The following AP2A2 variants were observed in gnomAD, a reference collection of about 807,000 sequenced individuals.
The protein encoded by AP2A2 is adaptor related protein complex 2 subunit alpha 2.
Under a neutral mutation model 104.2 loss-of-function variants are expected in AP2A2, and 32 were observed. That is an observed-to-expected ratio of 0.31 (90% CI 0.23 to 0.41). The LOEUF (loss-of-function observed/expected upper bound fraction) is 0.41, where lower values mean the gene tolerates loss of function less well. AP2A2 is among the 10% of genes least tolerant of loss of function. The pLI is 1.00. For missense variants in AP2A2, 912 were observed against 1,261.0 expected (o/e 0.72, Z 4.19); for synonymous variants, 539 against 533.3 (o/e 1.01, Z -0.15).
At chr11:970,797 C>T (rs1362641921) in intron 3 of AP2A2, among the ~76,000 whole-genome samples, 2 of 152,226 alleles carry the variant, frequency 1.3e-5, no homozygotes, top group Admixed American at 1.3e-4. Context: ...GTCCCTTGGA[C>T]AGCTTTGTTT....
rs538401723 is a variant in AP2A2 at position 1,010,792 on chromosome 11, G to C, written c.*167G>C. On this transcript the variant is annotated 3_prime_UTR_variant, in exon 22 of 22. Coordinates refer to ENST00000448903, the MANE Select transcript of AP2A2 (RefSeq NM_012305.4). ...CCCTTTGGGCTGGACGGGAACACAC[G>C]TGTGTGGCTCAGGAGGAAAAGCTCA... The C allele has an allele frequency of 1.5e-6, 1 of 688,904 alleles. No homozygotes were observed. The highest frequency in any genetic ancestry group is 2.6e-6 in the Non-Finnish European group (1 of 380,206). 42.7% of individuals were successfully genotyped at this position (688,904 alleles called of 1,614,324 possible). A position where few individuals can be genotyped will look rare whatever the true frequency, so the allele number is the denominator to read the frequency against.
chr11:975,481 A>C (rs11605429), intron 4 of AP2A2, among the ~76,000 whole-genome samples: 4 of 135,326 alleles, frequency 3.0e-5, no homozygotes, highest in African/African-American at 8.9e-5. Context: ...GTGAGCCGAC[A>C]TCGGAGAGTA....
chr11:940,994 C>G (rs1055305135), intron 1 of AP2A2: 2 of 447,790 alleles, frequency 4.5e-6, no homozygotes, highest in Admixed American at 4.9e-5. Flanking sequence ...TCTCACGAGG[C>G]CCCTTGCTCC....
intron 14 of AP2A2, 41 bp downstream of exon 14, chr11:994,286 C>G: frequency 6.2e-7 from 1 of 1,603,154 alleles, no homozygotes; most frequent in Non-Finnish European, 8.5e-7. Flanking sequence ...CTGTCAGGGC[C>G]TCACCCCCAA....
Position 1,010,670 on chromosome 11 carries a change from G to A in AP2A2, c.*45G>A, listed in dbSNP as rs1397102084. ...GGCTCGTGTGTCTTGTGTTGTCTTC[G>A]TCTGTGCCGTTTGTCTTCGTGGCCA... On this transcript the variant is annotated 3_prime_UTR_variant, in exon 22 of 22. Transcript: ENST00000448903. 18 of 1,501,452 alleles carry A rather than the reference G, an allele frequency of 1.2e-5. No individual in the cohort carries two copies. Among genetic ancestry groups the A allele is most frequent in the East Asian group, 2.4e-5 (1 of 41,512 alleles). 93.0% of individuals were successfully genotyped at this position (1,501,452 alleles called of 1,614,324 possible). A position where few individuals can be genotyped will look rare whatever the true frequency, so the allele number is the denominator to read the frequency against.
chr11:953,062 A>C (rs570049081), intron 1 of AP2A2, among the ~76,000 whole-genome samples: 2 of 152,202 alleles, frequency 1.3e-5, no homozygotes, highest in South Asian at 4.2e-4. Context: ...CTTCTACTAG[A>C]GCGTTTTTGG....
At chr11:931,427 G>A (rs759678359) in intron 1 of AP2A2, among the ~76,000 whole-genome samples, 1 of 152,224 alleles carries the variant, frequency 6.6e-6, no homozygotes, top group Non-Finnish European at 1.5e-5. Flanking sequence ...ACACAGCACT[G>A]CTGAAAATGT....
At chr11:939,987 A>T (rs575852593) in intron 1 of AP2A2, among the ~76,000 whole-genome samples, 50 of 108,972 alleles carry the variant, frequency 4.6e-4, no homozygotes, top group South Asian at 3.0e-3. Flanking sequence ...ACAGAGTTTC[A>T]CTCTGTCACC....
rs1856416007 is a variant in AP2A2 at position 1,011,168 on chromosome 11, A to G, written c.*543A>G. The G allele has an allele frequency of 1.9e-6, 1 of 533,414 alleles. No individual in the cohort carries two copies. Among genetic ancestry groups the G allele is most frequent in the South Asian group, 1.4e-5 (1 of 71,712 alleles). The allele number at this position is 533,414 out of a possible 1,614,324, so 33.0% of individuals were successfully genotyped here. A position where few individuals can be genotyped will look rare whatever the true frequency, so the allele number is the denominator to read the frequency against. ...CAGGCAGGATTTTAATCTAGAATTT[A>G]GAAACATTTGTATTTGTAATGACTT... On this transcript the variant is annotated 3_prime_UTR_variant, in exon 22 of 22. Coordinates refer to ENST00000448903, the MANE Select transcript of AP2A2 (RefSeq NM_012305.4).
intron 14 of AP2A2, among the ~76,000 whole-genome samples, chr11:998,496 T>C (rs1220121577): frequency 6.6e-6 from 1 of 152,186 alleles, no homozygotes; most frequent in Non-Finnish European, 1.5e-5. Context: ...TAAAATGGCA[T>C]TCAGGTGGAG....
At chr11:929,214 G>A (rs1255177954) in intron 1 of AP2A2, among the ~76,000 whole-genome samples, 1 of 152,190 alleles carries the variant, frequency 6.6e-6, no homozygotes, top group African/African-American at 2.4e-5. Flanking sequence ...AGGCAGAGGG[G>A]TCCCCGCTTC....
chr11:925,890 T>A lies in AP2A2; in HGVS notation c.-132T>A. On this transcript the variant is annotated 5_prime_UTR_variant, in exon 1 of 22. Coordinates refer to ENST00000448903, the MANE Select transcript of AP2A2 (RefSeq NM_012305.4). ...GGCCCAGAAAGCGGCGCTGGGACCC[T>A]GAGGCGGCCGTGGTTAGGCGGCTCC... The A allele has an allele frequency of 1.7e-6, 1 of 599,954 alleles. No individual in the cohort carries two copies. Among genetic ancestry groups the A allele is most frequent in the Non-Finnish European group, 2.5e-6 (1 of 408,140 alleles). The allele number at this position is 599,954 out of a possible 1,614,324, so 37.2% of individuals were successfully genotyped here.
chr11:1,005,946 T>C (rs1458448329), intron 16 of AP2A2, among the ~76,000 whole-genome samples: 1 of 152,272 alleles, frequency 6.6e-6, no homozygotes, highest in East Asian at 1.9e-4. Context: ...GATTTTTTAC[T>C]GTGATATAAA....
intron 10 of AP2A2, among the ~76,000 whole-genome samples, chr11:991,479 C>A (rs2133734547): frequency 6.6e-6 from 1 of 152,180 alleles, no homozygotes; most frequent in East Asian, 1.9e-4. Context: ...GGCAGAGCAT[C>A]CGTTCGTGGA....
chr11:981,853 C>T (rs1424564946), intron 6 of AP2A2, among the ~76,000 whole-genome samples: 1 of 152,224 alleles, frequency 6.6e-6, no homozygotes, highest in Non-Finnish European at 1.5e-5. Flanking sequence ...CTTGGATGTC[C>T]CTTGGTTTCC....
intron 1 of AP2A2, among the ~76,000 whole-genome samples, chr11:952,150 G>A (rs1199292528): frequency 2.6e-5 from 4 of 152,236 alleles, no homozygotes; most frequent in African/African-American, 4.8e-5. Context: ...GATTATAGGC[G>A]TGAGCCACTG....
chr11:938,566 C>T (rs1280154900), intron 1 of AP2A2, among the ~76,000 whole-genome samples: 1 of 151,776 alleles, frequency 6.6e-6, no homozygotes, highest in Non-Finnish European at 1.5e-5. Flanking sequence ...GCTCTGCCTC[C>T]CGGGTTCACG....
chr11:963,460 G>T (rs1047536600), intron 2 of AP2A2, among the ~76,000 whole-genome samples: 30 of 152,232 alleles, frequency 2.0e-4, no homozygotes, highest in African/African-American at 7.2e-4. Flanking sequence ...AAGGTACCGA[G>T]TTATTTTATA....
intron 15 of AP2A2, among the ~76,000 whole-genome samples, chr11:1,003,064 C>T (rs1856077599): frequency 6.6e-6 from 1 of 152,248 alleles, no homozygotes; most frequent in South Asian, 2.1e-4. Flanking sequence ...GGTCAGAAAA[C>T]TTGAAGCTCT....
Sources: gnomAD v4.1 joint callset for allele counts (sites outside exome capture counted in the v4.1 genomes callset) on GRCh38, gnomAD v4.1.1 for gene constraint, MANE v1.5 for transcripts, NCBI Gene and HGNC (gene_info 2026-07-23, HGNC 2026-07-21) for gene names.